The following SCFD2 variants were observed in gnomAD, a reference collection of about 807,000 sequenced individuals.
SCFD2 encodes sec1 family domain-containing protein 2.
Under a neutral mutation model 58.9 loss-of-function variants are expected in SCFD2, and 54 were observed. That is an observed-to-expected ratio of 0.92 (90% CI 0.74 to 1.15). The LOEUF is 1.15. SCFD2 is among the 50% of genes most tolerant of loss of function. SCFD2 has a pLI of 0.00. For synonymous variants in SCFD2, 321 were observed against 335.9 expected (o/e 0.96, Z 0.49); for missense variants, 805 against 836.6 (o/e 0.96, Z 0.47).
chr4:52,919,462 T>G (rs914791085), intron 6 of SCFD2, among the ~76,000 whole-genome samples: 3 of 152,236 alleles, frequency 2.0e-5, no homozygotes, highest in Non-Finnish European at 4.4e-5. Flanking sequence ...GAGTAAAGGA[T>G]GAAAATCTTT....
intron 5 of SCFD2, among the ~76,000 whole-genome samples, chr4:52,959,615 A>T (rs1325419512): frequency 6.6e-6 from 1 of 152,288 alleles, no homozygotes; most frequent in Middle Eastern, 3.4e-3. Context: ...CATCTTCTTT[A>T]GATCAACTTT....
intron 4 of SCFD2, among the ~76,000 whole-genome samples, chr4:53,208,875 C>A (rs938169586): frequency 6.6e-6 from 1 of 152,138 alleles, no homozygotes; most frequent in African/African-American, 2.4e-5. Flanking sequence ...TCAAGAAGCT[C>A]GGCCCTTTGA....
chr4:53,110,600 T>C (rs1435265662), intron 5 of SCFD2, among the ~76,000 whole-genome samples: 4 of 152,004 alleles, frequency 2.6e-5, no homozygotes, highest in African/African-American at 7.2e-5. Context: ...TCATCATCAC[T>C]GGTCCTCAGA....
intron 5 of SCFD2, among the ~76,000 whole-genome samples, chr4:53,004,986 C>T (rs1317613616): frequency 6.6e-6 from 1 of 152,208 alleles, no homozygotes; most frequent in Non-Finnish European, 1.5e-5. Context: ...TCCACCTCTG[C>T]CTCCTGGGTT....
chr4:53,007,491 GA>G (rs1370118132), intron 5 of SCFD2, among the ~76,000 whole-genome samples: 1 of 152,128 alleles, frequency 6.6e-6, no homozygotes, highest in African/African-American at 2.4e-5. Context: ...AAAGCACTGT[GA>G]GAGGTAGCTT....
In SCFD2 at chr4:53,141,645, GAA is replaced by G. The variant is rs34162723; in HGVS notation, c.1561+3686_1561+3687del. On this transcript the variant is annotated intron_variant, in intron 5 of 8. Coordinates refer to ENST00000401642, the MANE Select transcript of SCFD2 (RefSeq NM_152540.4). ...AATGTACATTTGTGGAGTCAAATTT[GAA>G]AAAAAAAAAAACATTAAATCAGTTA... Among the ~76,000 whole-genome samples the G allele has an allele frequency of 6.3e-3, 911 of 145,104 alleles. 7 individuals carry two copies. Among genetic ancestry groups the G allele is most frequent in the African/African-American group, 0.014 (569 of 39,592 alleles).
intron 5 of SCFD2, among the ~76,000 whole-genome samples, chr4:52,992,136 C>T (rs1274972518): frequency 2.6e-5 from 4 of 152,192 alleles, no homozygotes; most frequent in Admixed American, 2.6e-4. Context: ...GCCTGATTCT[C>T]CTGCCTCAGC....
At chr4:53,157,614 A>AT (rs138898469) in intron 4 of SCFD2, among the ~76,000 whole-genome samples, 24,682 of 151,984 alleles carry the variant, frequency 0.16, 2,482 homozygotes, top group Admixed American at 0.25. Flanking sequence ...TGTCATCCTC[A>AT]TTTTTTTTGT....
At chr4:52,960,163 A>T (rs1014781691) in intron 5 of SCFD2, among the ~76,000 whole-genome samples, 1 of 152,090 alleles carries the variant, frequency 6.6e-6, no homozygotes, top group Non-Finnish European at 1.5e-5. Context: ...TTCCTGCTGA[A>T]AGTGAGGTTA....
intron 5 of SCFD2, among the ~76,000 whole-genome samples, chr4:52,955,531 G>A (rs1045854139): frequency 6.6e-6 from 1 of 152,152 alleles, no homozygotes; most frequent in African/African-American, 2.4e-5. Context: ...TTTCATGCGT[G>A]GGAACTGAGG....
At chr4:52,977,231 T>G (rs550181327) in intron 5 of SCFD2, among the ~76,000 whole-genome samples, 1 of 152,226 alleles carries the variant, frequency 6.6e-6, no homozygotes, top group Non-Finnish European at 1.5e-5. Context: ...CAATTGTTTT[T>G]GTTTAATATA....
At position 53,237,443 on chromosome 4, in the gene SCFD2, G is replaced by T. The variant is rs1418972396; in HGVS notation, c.1311+36383C>A. The stretch of plus-strand genomic sequence containing the variant: ...CGGGCAGAGGCGCCCCTCACTTCCC[G>T]GATGGGGGGTCTGGCCGGGCGGGGG... On this transcript the variant is annotated intron_variant, in intron 4 of 8. Transcript: ENST00000401642. Among the ~76,000 whole-genome samples, 148 of 146,916 alleles carry T rather than the reference G, an allele frequency of 1.0e-3. 3 individuals carry two copies. Among genetic ancestry groups the T allele is most frequent in the Non-Finnish European group, 3.0e-4 (20 of 67,028 alleles).
At chr4:53,293,234 A>G (rs1271175259) in intron 3 of SCFD2, among the ~76,000 whole-genome samples, 2 of 152,128 alleles carry the variant, frequency 1.3e-5, no homozygotes, top group African/African-American at 2.4e-5. Context: ...GTTCTCACTT[A>G]TAAGTGGGAG....
At chr4:52,957,858 T>C (rs1720747125) in intron 5 of SCFD2, 1 of 152,218 alleles carries the variant, frequency 6.6e-6, no homozygotes, top group Non-Finnish European at 1.5e-5. Flanking sequence ...GAGGTTATAC[T>C]TACATTTTTC....
At chr4:52,980,307 C>T (rs1032678171) in intron 5 of SCFD2, among the ~76,000 whole-genome samples, 1 of 152,088 alleles carries the variant, frequency 6.6e-6, no homozygotes. Context: ...TATGATTATT[C>T]CTGGTTTACA....
At chr4:53,140,410 T>TATATATATATATATATATATATATAA (rs1560353881) in intron 5 of SCFD2, among the ~76,000 whole-genome samples, 15 of 142,768 alleles carry the variant, frequency 1.1e-4, no homozygotes, top group African/African-American at 3.9e-4. Context: ...TATATATATA[T>TATATATATATATATATATATATATAA]ATAAATTTTA....
intron 7 of SCFD2, among the ~76,000 whole-genome samples, chr4:52,897,746 G>A (rs1176556045): frequency 6.6e-6 from 1 of 152,084 alleles, no homozygotes; most frequent in Non-Finnish European, 1.5e-5. Flanking sequence ...GCTCCTCCTT[G>A]TACCTCTGGT....
At chr4:53,355,845 C>A (rs1408780417) in intron 1 of SCFD2, among the ~76,000 whole-genome samples, 1 of 152,166 alleles carries the variant, frequency 6.6e-6, no homozygotes, top group Non-Finnish European at 1.5e-5. Flanking sequence ...CTTATATGTT[C>A]TATCATTAGG....
chr4:53,282,655 A>C (rs1295925790), intron 3 of SCFD2, among the ~76,000 whole-genome samples: 4 of 152,198 alleles, frequency 2.6e-5, no homozygotes, highest in Admixed American at 6.5e-5. Context: ...GTATCTATAC[A>C]TAATAGAATT....
Sources: allele counts gnomAD v4.1 joint callset (sites outside exome capture counted in the v4.1 genomes callset), GRCh38; gene constraint gnomAD v4.1.1; transcripts MANE v1.5; gene names NCBI Gene and HGNC (gene_info 2026-07-23, HGNC 2026-07-21).